Variants in ADGRL3 observed in about 807,000 individuals in gnomAD.
The protein encoded by ADGRL3 is calcium-independent alpha-latrotoxin receptor 3.
ADGRL3 carries 62 observed loss-of-function variants against 153.5 expected under a neutral mutation model. That is an observed-to-expected ratio of 0.40 (90% CI 0.33 to 0.50). The LOEUF (loss-of-function observed/expected upper bound fraction) is 0.50, where lower values mean the gene tolerates loss of function less well. Among genes scored for constraint, ADGRL3 ranks in the 20% least tolerant of loss-of-function variants. The probability of loss-of-function intolerance (pLI) is 0.47; values close to 1 mark genes in which losing one functional copy is unlikely to be tolerated. For missense variants in ADGRL3, 1,641 were observed against 1,859.4 expected, an observed-to-expected ratio of 0.88 and a Z score of 2.16; for synonymous variants, 710 against 672.5, an observed-to-expected ratio of 1.06 and a Z score of -0.86.
intron 25 of ADGRL3, among the ~76,000 whole-genome samples, chr4:62,065,732 A>G (rs1474648491): frequency 6.6e-6 from 1 of 152,012 alleles, no homozygotes; most frequent in Non-Finnish European, 1.5e-5. Flanking sequence ...ATTAATCTGT[A>G]TGTTTTTCCT....
intron 2 of ADGRL3, among the ~76,000 whole-genome samples, chr4:61,409,482 C>A (rs2097057602): frequency 6.8e-6 from 1 of 147,922 alleles, no homozygotes. Flanking sequence ...GGATATATTT[C>A]ATTTTTCTTT....
chr4:61,338,233 C>T (rs1028204403), intron 1 of ADGRL3, among the ~76,000 whole-genome samples: 4 of 151,130 alleles, frequency 2.6e-5, no homozygotes, highest in Admixed American at 6.6e-5. Flanking sequence ...ATTATGCCAC[C>T]GCACTCCAGC....
chr4:61,330,160 T>C (rs1478858969), intron 1 of ADGRL3, among the ~76,000 whole-genome samples: 1 of 152,190 alleles, frequency 6.6e-6, no homozygotes, highest in Non-Finnish European at 1.5e-5. Context: ...ACGTATTCTT[T>C]GGTGAATATG....
intron 6 of ADGRL3, among the ~76,000 whole-genome samples, chr4:61,679,081 C>T (rs932560544): frequency 1.3e-5 from 2 of 152,082 alleles, no homozygotes; most frequent in East Asian, 1.9e-4. Flanking sequence ...ATTTGGCTCA[C>T]GATTCTGCAG....
chr4:61,387,226 A>C (rs1221508925), intron 2 of ADGRL3, among the ~76,000 whole-genome samples: 3 of 152,174 alleles, frequency 2.0e-5, no homozygotes, highest in African/African-American at 7.2e-5. Context: ...TGTGGGTGAC[A>C]GACATCAAGT....
chr4:61,699,012 C>T (rs777734698), intron 6 of ADGRL3, among the ~76,000 whole-genome samples: 6 of 152,176 alleles, frequency 3.9e-5, no homozygotes, highest in Non-Finnish European at 7.3e-5. Context: ...AGAATGTAAT[C>T]CTATCAGAAA....
intron 1 of ADGRL3, among the ~76,000 whole-genome samples, chr4:61,353,600 ATTT>A (rs34199193): frequency 1.7e-5 from 2 of 118,834 alleles, no homozygotes; most frequent in Non-Finnish European, 1.6e-5. Flanking sequence ...TTTTCTTTCA[ATTT>A]TTTTTTTTTT....
At chr4:61,250,020 TA>T in intron 1 of ADGRL3, among the ~76,000 whole-genome samples, 1 of 152,318 alleles carries the variant, frequency 6.6e-6, no homozygotes, top group East Asian at 1.9e-4. Context: ...CTTTCGGGAC[TA>T]ATATGTGCTT....
At chr4:61,210,352 G>A (rs970679122) in intron 1 of ADGRL3, among the ~76,000 whole-genome samples, 40 of 152,114 alleles carry the variant, frequency 2.6e-4, no homozygotes, top group Non-Finnish European at 7.4e-5. Flanking sequence ...CGCAGAGGCA[G>A]AGTGTGTTAC....
At chr4:61,234,791 G>A (rs1386711156) in intron 1 of ADGRL3, among the ~76,000 whole-genome samples, 1 of 152,172 alleles carries the variant, frequency 6.6e-6, no homozygotes, top group Non-Finnish European at 1.5e-5. Flanking sequence ...ATGACCGAAT[G>A]AGGGGTAGTA....
intron 2 of ADGRL3, among the ~76,000 whole-genome samples, chr4:61,450,444 A>T (rs1404931174): frequency 6.6e-6 from 1 of 152,146 alleles, no homozygotes; most frequent in African/African-American, 2.4e-5. Context: ...CAGCACAATT[A>T]TAAGTACTGT....
intron 2 of ADGRL3, among the ~76,000 whole-genome samples, chr4:61,433,289 T>A (rs985254926): frequency 6.6e-6 from 1 of 152,112 alleles, no homozygotes; most frequent in South Asian, 2.1e-4. Flanking sequence ...TTGTCTCAGA[T>A]GATTAAATGT....
intron 2 of ADGRL3, among the ~76,000 whole-genome samples, chr4:61,428,856 TATCTATCTATCTATCTATATC>T (rs71211383): frequency 0.055 from 6,798 of 124,214 alleles, 250 homozygotes; most frequent in Middle Eastern, 0.097. Flanking sequence ...TCTATCTATC[TATCTATCTATCTATCTATATC>T]ATCTATCTAT....
At chr4:61,262,964 T>C (rs1258668356) in intron 1 of ADGRL3, among the ~76,000 whole-genome samples, 1 of 152,020 alleles carries the variant, frequency 6.6e-6, no homozygotes, top group East Asian at 1.9e-4. Flanking sequence ...CTGGGGAAGA[T>C]TTGCAAAATA....
chr4:61,570,051 A>C (rs997289685), intron 4 of ADGRL3, among the ~76,000 whole-genome samples: 1 of 152,150 alleles, frequency 6.6e-6, no homozygotes, highest in African/African-American at 2.4e-5. Context: ...ACGTATTTGC[A>C]CAAGTTTTGT....
At chr4:61,930,622 A>G (rs919615544) in intron 13 of ADGRL3, among the ~76,000 whole-genome samples, 3 of 152,134 alleles carry the variant, frequency 2.0e-5, no homozygotes, top group African/African-American at 7.2e-5. Context: ...GAATTTGCCT[A>G]AGGTCTGAAT....
chr4:62,063,099 T>A (rs1267209975), intron 25 of ADGRL3, among the ~76,000 whole-genome samples: 20 of 152,100 alleles, frequency 1.3e-4, no homozygotes. Context: ...GAATGTTTTG[T>A]TTAATTTTTG....
chr4:61,872,450 G>A (rs528783089), intron 9 of ADGRL3, among the ~76,000 whole-genome samples: 1 of 128,200 alleles, frequency 7.8e-6, no homozygotes, highest in African/African-American at 2.9e-5. Context: ...CTCTGAAATT[G>A]TTTGTTTTTT....
chr4:61,247,244 G>A (rs1323774600), intron 1 of ADGRL3, among the ~76,000 whole-genome samples: 1 of 151,958 alleles, frequency 6.6e-6, no homozygotes, highest in Non-Finnish European at 1.5e-5. Flanking sequence ...GGGATAGGGT[G>A]CTGGGTACAA....
Sources: allele counts gnomAD v4.1 joint callset (sites outside exome capture counted in the v4.1 genomes callset), GRCh38; gene constraint gnomAD v4.1.1; transcripts MANE v1.5; gene names NCBI Gene and HGNC (gene_info 2026-07-23, HGNC 2026-07-21).